ZDHHC14: variants seen among roughly 807,000 people sequenced by gnomAD.
ZDHHC14 encodes the protein palmitoyltransferase ZDHHC14.
ZDHHC14 carries 16 observed loss-of-function variants against 47.7 expected under a neutral mutation model. The ratio of observed to expected loss-of-function variants is 0.34; its 90% CI spans 0.23 to 0.51. ZDHHC14 has a LOEUF of 0.51. ZDHHC14 is among the 20% of genes least tolerant of loss of function. The pLI is 0.97. For synonymous variants in ZDHHC14, 293 were observed against 278.9 expected (o/e 1.05, Z -0.50); for missense variants, 515 against 662.5 (o/e 0.78, Z 2.44).
At chr6:157,523,384 T>C (rs746198279) in intron 1 of ZDHHC14, among the ~76,000 whole-genome samples, 1 of 152,192 alleles carries the variant, frequency 6.6e-6, no homozygotes, top group Non-Finnish European at 1.5e-5. Context: ...TTCATTGCTA[T>C]TGACTTTTTG....
intron 1 of ZDHHC14, among the ~76,000 whole-genome samples, chr6:157,519,064 A>G (rs529275087): frequency 2.0e-5 from 3 of 152,350 alleles, no homozygotes; most frequent in South Asian, 2.1e-4. Flanking sequence ...GGGCTGGCTC[A>G]TGGCTCACTG....
At position 157,676,891 on chromosome 6, in the gene ZDHHC14, A is replaced by T. The variant is rs1433278701; in HGVS notation, c.*3769A>T. The stretch of plus-strand genomic sequence containing the variant: ...TAGGGTCTTAAGTTCACCAGAAGGG[A>T]TCGGGGTTTGCGTTGATATTATAAG... On this transcript the variant is annotated 3_prime_UTR_variant, in exon 9 of 9. Transcript: ENST00000359775. The T allele has an allele frequency of 6.6e-6, 1 of 152,252 alleles. No homozygotes were observed. Among genetic ancestry groups the T allele is most frequent in the Non-Finnish European group, 1.5e-5 (1 of 68,064 alleles). The allele number at this position is 152,252 out of a possible 1,614,324, so 9.4% of individuals were successfully genotyped here. A position where few individuals can be genotyped will look rare whatever the true frequency, so the allele number is the denominator to read the frequency against.
At chr6:157,554,463 A>C (rs1782374062) in intron 2 of ZDHHC14, among the ~76,000 whole-genome samples, 1 of 152,208 alleles carries the variant, frequency 6.6e-6, no homozygotes, top group Admixed American at 6.5e-5. Flanking sequence ...AATATCCCAA[A>C]TATTATTTTG....
At chr6:157,507,733 A>C (rs553593983) in intron 1 of ZDHHC14, among the ~76,000 whole-genome samples, 19 of 152,260 alleles carry the variant, frequency 1.2e-4, no homozygotes, top group Non-Finnish European at 2.1e-4. Context: ...CTGTCGCTCC[A>C]GAGTCTCCCG....
chr6:157,502,596 A>G lies in ZDHHC14; in HGVS notation c.246-39989A>G, dbSNP rs1780215981. ...TGAGGGATCTCAGGCTTATCTATAC[A>G]TGTCCACCTGTTGCTACTGCCCAGC... On this transcript the variant is annotated intron_variant, in intron 1 of 8. Transcript: ENST00000359775. This position sits in a 1 kb window ranked among gnomAD's most constrained non-coding sequence, Gnocchi z 4.0. 6.6e-6 allele frequency among the ~76,000 whole-genome samples: 1 copy of G among 152,148 alleles called. No homozygotes were observed. The highest frequency in any genetic ancestry group is 1.5e-5 in the Non-Finnish European group (1 of 68,028).
chr6:157,561,018 CA>C (rs1489593845), intron 2 of ZDHHC14, among the ~76,000 whole-genome samples: 1 of 152,054 alleles, frequency 6.6e-6, no homozygotes, highest in South Asian at 2.1e-4. Flanking sequence ...AAACTAAAAC[CA>C]AAAAATAGTC....
chr6:157,478,757 T>C (rs1209783244), intron 1 of ZDHHC14, among the ~76,000 whole-genome samples: 3 of 152,238 alleles, frequency 2.0e-5, no homozygotes. Flanking sequence ...ACACTTAGAA[T>C]AGTGCCTGGG....
intron 1 of ZDHHC14, among the ~76,000 whole-genome samples, chr6:157,456,611 C>T (rs549198770): frequency 6.6e-6 from 1 of 152,188 alleles, no homozygotes; most frequent in Non-Finnish European, 1.5e-5. Flanking sequence ...GCAGTACGAG[C>T]TGCTTCAGAG....
chr6:157,517,600 C>G (rs961312952), intron 1 of ZDHHC14, among the ~76,000 whole-genome samples: 4 of 152,090 alleles, frequency 2.6e-5, no homozygotes, highest in Non-Finnish European at 4.4e-5. Flanking sequence ...CTTGAGCCAC[C>G]GCGCCTGGCC....
chr6:157,404,055 T>A (rs1777696676), intron 1 of ZDHHC14, among the ~76,000 whole-genome samples: 1 of 152,264 alleles, frequency 6.6e-6, no homozygotes, highest in African/African-American at 2.4e-5. Flanking sequence ...AGTTCCATTT[T>A]ACAGATGAGA....
chr6:157,496,998 A>G (rs539965355), intron 1 of ZDHHC14, among the ~76,000 whole-genome samples: 1 of 152,288 alleles, frequency 6.6e-6, no homozygotes, highest in African/African-American at 2.4e-5. Flanking sequence ...TGGTGTAGCA[A>G]AGCCAAGATC....
chr6:157,673,519 A>T lies in ZDHHC14; in HGVS notation c.*397A>T. The T allele has an allele frequency of 5.7e-6, 1 of 176,934 alleles. No homozygotes were observed. Among genetic ancestry groups the T allele is most frequent in the Non-Finnish European group, 1.1e-5 (1 of 87,032 alleles). The allele number at this position is 176,934 out of a possible 1,614,324, so 11.0% of individuals were successfully genotyped here. On this transcript the variant is annotated 3_prime_UTR_variant, in exon 9 of 9. Transcript: ENST00000359775. This position sits in a 1 kb window ranked among gnomAD's most constrained non-coding sequence, Gnocchi z 5.4. ...ATATTTGAAACAGACCTGCCATTCCATTTGTTAATTAAAAAAAAAAAAAAT... is the reference window on the plus strand; with the variant it reads ...ATATTTGAAACAGACCTGCCATTCCTTTTGTTAATTAAAAAAAAAAAAAAT...
chr6:157,515,508 C>A (rs1199985367), intron 1 of ZDHHC14, among the ~76,000 whole-genome samples: 1 of 141,216 alleles, frequency 7.1e-6, no homozygotes. Flanking sequence ...GTCGCCCAGG[C>A]TGGAATGCAG....
intron 8 of ZDHHC14, among the ~76,000 whole-genome samples, chr6:157,655,323 T>C (rs747159096): frequency 6.6e-6 from 1 of 152,198 alleles, no homozygotes; most frequent in African/African-American, 2.4e-5. Flanking sequence ...TGTCCCCACC[T>C]TTTTTAAGTA....
At chr6:157,430,267 C>T (rs9364988) in intron 1 of ZDHHC14, among the ~76,000 whole-genome samples, 5 of 143,250 alleles carry the variant, frequency 3.5e-5, no homozygotes, top group African/African-American at 1.3e-4. Flanking sequence ...AGTGAGCCGA[C>T]AGTGTGACAC....
At chr6:157,456,606 A>G (rs2114808885) in intron 1 of ZDHHC14, among the ~76,000 whole-genome samples, 1 of 152,346 alleles carries the variant, frequency 6.6e-6, no homozygotes, top group African/African-American at 2.4e-5. Flanking sequence ...CCCTGGCAGT[A>G]CGAGCTGCTT....
intron 1 of ZDHHC14, among the ~76,000 whole-genome samples, chr6:157,392,158 G>A (rs1451381704): frequency 6.6e-6 from 1 of 152,078 alleles, no homozygotes; most frequent in East Asian, 1.9e-4. Flanking sequence ...AATTTAGCAT[G>A]GGATTCATTG....
rs575774210 is a variant in ZDHHC14 at position 157,619,377 on chromosome 6, C to T, written c.566-8972C>T. ...CTGTACTCCAGCCTGGGTGGCAGAGCGAGACTCCACCTCAAAAACAAAAAC... is the reference window on the plus strand; with the variant it reads ...CTGTACTCCAGCCTGGGTGGCAGAGTGAGACTCCACCTCAAAAACAAAAAC... On this transcript the variant is annotated intron_variant, in intron 3 of 8. Coordinates refer to ENST00000359775, the MANE Select transcript of ZDHHC14 (RefSeq NM_024630.3). Among the ~76,000 whole-genome samples, 14 of 152,142 alleles carry T rather than the reference C, an allele frequency of 9.2e-5. No individual in the cohort carries two copies. In the South Asian group the frequency reaches 1.0e-3, roughly 11 times the overall value.
At chr6:157,448,976 C>T (rs1778741365) in intron 1 of ZDHHC14, among the ~76,000 whole-genome samples, 1 of 152,210 alleles carries the variant, frequency 6.6e-6, no homozygotes, top group Non-Finnish European at 1.5e-5. Context: ...CTCAGAGAGG[C>T]CTAGTGGCTT....
Sources: gnomAD v4.1 joint callset for allele counts (sites outside exome capture counted in the v4.1 genomes callset) on GRCh38, gnomAD v4.1.1 for gene constraint, Gnocchi (gnomAD v3.1) non-coding constraint, MANE v1.5 for transcripts, NCBI Gene and HGNC (gene_info 2026-07-23, HGNC 2026-07-21) for gene names.